The following OPCML variants were observed in gnomAD, a reference collection of about 807,000 sequenced individuals.
The protein encoded by OPCML is opioid-binding protein/cell adhesion molecule.
OPCML carries 13 observed loss-of-function variants against 37.8 expected under a neutral mutation model. The observed-to-expected ratio is 0.34, with a 90% CI of 0.22 to 0.55. The LOEUF (loss-of-function observed/expected upper bound fraction) is 0.55, where lower values mean the gene tolerates loss of function less well. OPCML is among the 20% of genes least tolerant of loss of function. The probability of loss-of-function intolerance (pLI) is 0.91; values close to 1 mark genes in which losing one functional copy is unlikely to be tolerated. For synonymous variants in OPCML, 176 were observed against 168.8 expected, an observed-to-expected ratio of 1.04 and a Z score of -0.33; for missense variants, 341 against 435.6, an observed-to-expected ratio of 0.78 and a Z score of 1.93.
intron 2 of OPCML, among the ~76,000 whole-genome samples, chr11:132,937,141 G>A (rs1945403596): frequency 6.6e-6 from 1 of 152,002 alleles, no homozygotes; most frequent in South Asian, 2.1e-4. Flanking sequence ...AGACCTGCTT[G>A]ACTCTTCCCC....
chr11:133,053,193 GTCAGAGCCT>G (rs1438283166), intron 1 of OPCML, among the ~76,000 whole-genome samples: 2 of 152,174 alleles, frequency 1.3e-5, no homozygotes, highest in Non-Finnish European at 2.9e-5. Flanking sequence ...TGGTGATAAT[GTCAGAGCCT>G]TCTTTCTAGG....
intron 7 of OPCML, among the ~76,000 whole-genome samples, chr11:132,428,185 G>A (rs2095984028): frequency 6.6e-6 from 1 of 152,112 alleles, no homozygotes; most frequent in Non-Finnish European, 1.5e-5. Context: ...AATTAGATTT[G>A]GAACATACAG....
At chr11:132,749,733 C>A (rs190158955) in intron 2 of OPCML, among the ~76,000 whole-genome samples, 1 of 151,888 alleles carries the variant, frequency 6.6e-6, no homozygotes, top group Non-Finnish European at 1.5e-5. Flanking sequence ...AGGTATTGGA[C>A]GATGAGAATT....
intron 4 of OPCML, among the ~76,000 whole-genome samples, chr11:132,476,230 A>G (rs1280889164): frequency 6.6e-6 from 1 of 152,176 alleles, no homozygotes; most frequent in Non-Finnish European, 1.5e-5. Context: ...CTTCCCTTTT[A>G]CACTGTTGGT....
chr11:132,706,627 T>C (rs1393389766), intron 2 of OPCML, among the ~76,000 whole-genome samples: 4 of 152,144 alleles, frequency 2.6e-5, no homozygotes, highest in Non-Finnish European at 4.4e-5. Context: ...AAAATTCCAT[T>C]ATGCGAGCCT....
intron 2 of OPCML, among the ~76,000 whole-genome samples, chr11:132,834,870 T>C (rs952495049): frequency 3.9e-5 from 6 of 151,960 alleles, no homozygotes; most frequent in Non-Finnish European, 8.8e-5. Flanking sequence ...AGCAGTGCAA[T>C]GACATTAAGA....
chr11:133,482,165 C>T (rs1337556588), intron 1 of OPCML, among the ~76,000 whole-genome samples: 5 of 152,114 alleles, frequency 3.3e-5, no homozygotes, highest in Non-Finnish European at 7.3e-5. Context: ...GGGTTTTCAA[C>T]TCCACACAAC....
intron 1 of OPCML, among the ~76,000 whole-genome samples, chr11:133,460,876 C>T (rs1385427850): frequency 6.6e-6 from 1 of 151,794 alleles, no homozygotes; most frequent in Non-Finnish European, 1.5e-5. Flanking sequence ...GGGTTATACA[C>T]TGTGACAAAA....
chr11:133,113,749 C>T (rs1399443812), intron 1 of OPCML, among the ~76,000 whole-genome samples: 6 of 152,174 alleles, frequency 3.9e-5, no homozygotes, highest in Admixed American at 3.3e-4. Flanking sequence ...AGCTTCCCAC[C>T]GCAGGTAAGA....
At chr11:133,306,856 T>A (rs777748097) in intron 1 of OPCML, among the ~76,000 whole-genome samples, 2 of 152,180 alleles carry the variant, frequency 1.3e-5, no homozygotes, top group Non-Finnish European at 2.9e-5. Flanking sequence ...TTCTGTTTCT[T>A]CTTCTGGTTT....
intron 1 of OPCML, among the ~76,000 whole-genome samples, chr11:133,273,378 C>A (rs1272573618): frequency 1.3e-5 from 2 of 152,070 alleles, no homozygotes; most frequent in Non-Finnish European, 2.9e-5. Context: ...GAATCAGCTC[C>A]CATGGCACCC....
At chr11:132,600,971 G>A (rs895799053) in intron 3 of OPCML, among the ~76,000 whole-genome samples, 14 of 150,652 alleles carry the variant, frequency 9.3e-5, no homozygotes, top group Admixed American at 2.0e-4. Flanking sequence ...GATTACAGGC[G>A]TAAGCCACTG....
At chr11:133,133,846 C>T (rs1565463700) in intron 1 of OPCML, among the ~76,000 whole-genome samples, 1 of 151,858 alleles carries the variant, frequency 6.6e-6, no homozygotes, top group African/African-American at 2.4e-5. Context: ...CTCATTCATT[C>T]GGGGGGGAAA....
intron 2 of OPCML, among the ~76,000 whole-genome samples, chr11:132,821,692 C>T (rs915111422): frequency 6.6e-6 from 1 of 152,300 alleles, no homozygotes; most frequent in African/African-American, 2.4e-5. Flanking sequence ...GTGCTGACTT[C>T]GACACTTTCT....
intron 1 of OPCML, among the ~76,000 whole-genome samples, chr11:133,484,437 A>T (rs187606772): frequency 1.6e-4 from 25 of 152,322 alleles, no homozygotes; most frequent in Non-Finnish European, 2.8e-4. Flanking sequence ...GAGAACTGAG[A>T]TAAAAAGGAG....
intron 1 of OPCML, among the ~76,000 whole-genome samples, chr11:132,971,079 G>A (rs1439267673): frequency 6.6e-6 from 1 of 152,082 alleles, no homozygotes; most frequent in East Asian, 1.9e-4. Flanking sequence ...TTCATACACA[G>A]TGACCGACTG....
At position 133,128,532 on chromosome 11, in the gene OPCML, T is replaced by C. The variant is rs891698159; in HGVS notation, c.62-185522A>G. On this transcript the variant is annotated intron_variant, in intron 1 of 7. Coordinates refer to ENST00000524381, the MANE Select transcript of OPCML (RefSeq NM_001012393.5). ...GAACTTCTCCCTCATGTGTAGGGCATGGCTCAGACTTTCAAACGGTGTAGT... is the reference window on the plus strand; with the variant it reads ...GAACTTCTCCCTCATGTGTAGGGCACGGCTCAGACTTTCAAACGGTGTAGT... Among the ~76,000 whole-genome samples, 4 of 152,308 alleles carry C rather than the reference T, an allele frequency of 2.6e-5. No homozygotes were observed. The South Asian group carries it at 6.2e-4, about 24-fold the overall frequency.
chr11:133,060,213 C>G lies in OPCML; in HGVS notation c.62-117203G>C, dbSNP rs1236693476. On this transcript the variant is annotated intron_variant, in intron 1 of 7. Coordinates refer to ENST00000524381, the MANE Select transcript of OPCML (RefSeq NM_001012393.5). ...CCTTCTCCCTCTCCCTCTCCCTCCCCCTCCACCTCCTTCTCCCCATCCCCT... is the reference window on the plus strand; with the variant it reads ...CCTTCTCCCTCTCCCTCTCCCTCCCGCTCCACCTCCTTCTCCCCATCCCCT... Among the ~76,000 whole-genome samples the G allele has an allele frequency of 2.6e-5, 4 of 151,718 alleles. No homozygotes were observed. The East Asian group carries it at 7.8e-4, about 29-fold the overall frequency.
intron 2 of OPCML, among the ~76,000 whole-genome samples, chr11:132,769,297 G>A (rs1443048046): frequency 1.3e-5 from 2 of 149,756 alleles, no homozygotes; most frequent in Admixed American, 1.3e-4. Context: ...GAGTGCAGTG[G>A]TGCGATCTTG....
Sources: gnomAD v4.1 joint callset for allele counts (sites outside exome capture counted in the v4.1 genomes callset) on GRCh38, gnomAD v4.1.1 for gene constraint, MANE v1.5 for transcripts, NCBI Gene and HGNC (gene_info 2026-07-23, HGNC 2026-07-21) for gene names.